Variants in ME3 observed in about 807,000 individuals in gnomAD.
ME3 encodes the protein malic enzyme 3.
A neutral mutation model predicts 68.9 loss-of-function variants in ME3; 48 were observed. The observed-to-expected ratio is 0.70, with a 90% CI of 0.55 to 0.89. ME3 has a LOEUF of 0.89. Ranked by LOEUF, ME3 falls within the 40% of genes least tolerant of loss-of-function variation. The probability of loss-of-function intolerance (pLI) is 0.00; values close to 1 mark genes in which losing one functional copy is unlikely to be tolerated. For missense variants in ME3, 675 were observed against 797.4 expected (o/e 0.85, Z 1.85); for synonymous variants, 320 against 318.8 (o/e 1.00, Z -0.04).
At position 86,543,846 on chromosome 11, in the gene ME3, A is replaced by C. The variant is rs531968520; in HGVS notation, c.467+12707T>G. 2.0e-5 allele frequency among the ~76,000 whole-genome samples: 3 copies of C among 152,342 alleles called. No individual in the cohort carries two copies. The East Asian group carries it at 5.8e-4, about 29-fold the overall frequency. On this transcript the variant is annotated intron_variant, in intron 4 of 14. Coordinates refer to ENST00000543262, the Ensembl canonical transcript of ME3. Reference sequence around the variant, plus strand: ...GAACTCTCCACCCCAAATCAACAGAATATACATTCTTCTCAGCACCACATC... The same window carrying C: ...GAACTCTCCACCCCAAATCAACAGACTATACATTCTTCTCAGCACCACATC...
At chr11:86,645,357 G>A (rs1343937604) in intron 2 of ME3, among the ~76,000 whole-genome samples, 2 of 152,304 alleles carry the variant, frequency 1.3e-5, no homozygotes, top group Non-Finnish European at 2.9e-5. Flanking sequence ...GTCAACCTGG[G>A]ACACTCCAGC....
At chr11:86,628,117 C>G (rs768041171) in intron 2 of ME3, among the ~76,000 whole-genome samples, 17 of 152,234 alleles carry the variant, frequency 1.1e-4, no homozygotes, top group Non-Finnish European at 2.1e-4. Context: ...GTGCTGGCAT[C>G]TCAAACTGAG....
At chr11:86,509,716 A>T in intron 4 of ME3, among the ~76,000 whole-genome samples, 1 of 148,912 alleles carries the variant, frequency 6.7e-6, no homozygotes, top group East Asian at 2.0e-4. Context: ...TACCCAAATT[A>T]TTGGCTGACC....
chr11:86,471,095 G>A (rs138780283), intron 7 of ME3, among the ~76,000 whole-genome samples: 7 of 146,576 alleles, frequency 4.8e-5, no homozygotes, highest in African/African-American at 1.3e-4. Context: ...TCTAGAAGGC[G>A]TCTTTTTGTC....
At chr11:86,576,578 T>C (rs1958129501) in intron 2 of ME3, among the ~76,000 whole-genome samples, 1 of 152,208 alleles carries the variant, frequency 6.6e-6, no homozygotes, top group Non-Finnish European at 1.5e-5. Flanking sequence ...TCCCCTGCAG[T>C]ACTGACTGAC....
At chr11:86,617,053 T>TTTTTTG (rs1943017696) in intron 2 of ME3, among the ~76,000 whole-genome samples, 1 of 70,078 alleles carries the variant, frequency 1.4e-5, no homozygotes, top group African/African-American at 6.8e-5. Context: ...TAGTTTTTTT[T>TTTTTTG]TTTTTTTTTT....
chr11:86,642,321 T>C (rs1944719690), intron 2 of ME3, among the ~76,000 whole-genome samples: 1 of 152,212 alleles, frequency 6.6e-6, no homozygotes, highest in Non-Finnish European at 1.5e-5. Flanking sequence ...CCCACCCATA[T>C]CTTTGTGATT....
intron 7 of ME3, among the ~76,000 whole-genome samples, chr11:86,471,417 G>A (rs1297257913): frequency 3.3e-5 from 5 of 151,852 alleles, no homozygotes; most frequent in Admixed American, 6.6e-5. Context: ...TACAGATGTA[G>A]GCCCAGATCT....
At position 86,625,323 on chromosome 11, in the gene ME3, G is replaced by A. The variant is rs879767326; in HGVS notation, c.183+46439C>T. 3.3e-5 allele frequency among the ~76,000 whole-genome samples: 5 copies of A among 151,890 alleles called. No individual in the cohort carries two copies. The South Asian group carries it at 6.3e-4, about 19-fold the overall frequency. ...CAGCAAGATCTAAGAATGAAGACGC[G>A]TAGCTGATCATACATCCTAGATAAC... On this transcript the variant is annotated intron_variant, in intron 2 of 14. Transcript: ENST00000543262.
At chr11:86,531,197 C>T (rs1955202145) in intron 4 of ME3, among the ~76,000 whole-genome samples, 1 of 152,186 alleles carries the variant, frequency 6.6e-6, no homozygotes, top group Non-Finnish European at 1.5e-5. Context: ...AGGATATGAA[C>T]AGACACTTCT....
rs547273460 is a variant in ME3, at chr11:86,482,860, A to G, written c.809+4477T>C. Among the ~76,000 whole-genome samples the G allele has an allele frequency of 2.6e-5, 4 of 152,270 alleles. No homozygotes were observed. In the East Asian group the frequency reaches 7.7e-4, roughly 29 times the overall value. On this transcript the variant is annotated intron_variant, in intron 7 of 14. Transcript: ENST00000543262. Reference sequence around the variant, plus strand: ...GCTAGTTAGCCAGCTGAAAGCAGCCATATGTGTGACCATTGGCAAGACCAG... The same window carrying G: ...GCTAGTTAGCCAGCTGAAAGCAGCCGTATGTGTGACCATTGGCAAGACCAG...
intron 10 of ME3, 25 bp from the exon 11 acceptor site, chr11:86,448,280 G>A (rs1949436032): frequency 6.4e-7 from 1 of 1,567,708 alleles, no homozygotes; most frequent in African/African-American, 1.4e-5. Context: ...ACACAGAGCA[G>A]TTGTGGTCGT....
chr11:86,591,967 A>G (rs1039624027), intron 2 of ME3, among the ~76,000 whole-genome samples: 1 of 152,144 alleles, frequency 6.6e-6, no homozygotes. Flanking sequence ...ATAAATTTCT[A>G]TTGTTTAAGC....
At chr11:86,456,890 A>G (rs1461876761) in intron 8 of ME3, among the ~76,000 whole-genome samples, 1 of 152,202 alleles carries the variant, frequency 6.6e-6, no homozygotes, top group Non-Finnish European at 1.5e-5. Flanking sequence ...AACTCCATGA[A>G]GTAGGGACTA....
intron 2 of ME3, among the ~76,000 whole-genome samples, chr11:86,641,875 C>G (rs959795147): frequency 6.6e-6 from 1 of 151,908 alleles, no homozygotes; most frequent in African/African-American, 2.4e-5. Flanking sequence ...AACTTCACCT[C>G]TTTTTTTAAA....
At chr11:86,518,582 A>G (rs1464061190) in intron 4 of ME3, among the ~76,000 whole-genome samples, 1 of 152,144 alleles carries the variant, frequency 6.6e-6, no homozygotes, top group African/African-American at 2.4e-5. Context: ...TAAGATCTCC[A>G]TGTATATGTA....
At position 86,526,750 on chromosome 11, in the gene ME3, C is replaced by A. The variant is rs373621398; in HGVS notation, c.468-17883G>T. ...GCAGCCTCTGCTGCTGATACCCAGG[C>A]GAACAGGGTCTGGAGTGGACCTCCA... On this transcript the variant is annotated intron_variant, in intron 4 of 14. Transcript: ENST00000543262. Among the ~76,000 whole-genome samples, 5 of 152,294 alleles carry A rather than the reference C, an allele frequency of 3.3e-5. No homozygotes were observed. The East Asian group carries it at 9.6e-4, about 29-fold the overall frequency.
chr11:86,630,663 G>A (rs1347825927), intron 2 of ME3, among the ~76,000 whole-genome samples: 1 of 152,256 alleles, frequency 6.6e-6, no homozygotes, highest in Non-Finnish European at 1.5e-5. Context: ...CAGGCCTGTG[G>A]CCTGGAGACA....
At chr11:86,651,518 C>T (rs1945427955) in intron 2 of ME3, among the ~76,000 whole-genome samples, 2 of 152,224 alleles carry the variant, frequency 1.3e-5, no homozygotes, top group Admixed American at 6.5e-5. Context: ...CTCCAACACA[C>T]CTGCAGCTGA....
Sources: allele counts gnomAD v4.1 joint callset (sites outside exome capture counted in the v4.1 genomes callset), GRCh38; gene constraint gnomAD v4.1.1; transcripts MANE v1.5; gene names NCBI Gene and HGNC (gene_info 2026-07-23, HGNC 2026-07-21).